DLGAP1: variants seen among roughly 807,000 people sequenced by gnomAD.
DLGAP1 encodes the protein disks large-associated protein 1.
A neutral mutation model predicts 90.8 loss-of-function variants in DLGAP1; 11 were observed. That is an observed-to-expected ratio of 0.12 (90% confidence interval 0.08 to 0.20). The LOEUF (loss-of-function observed/expected upper bound fraction) is 0.20. Among genes scored for constraint, DLGAP1 ranks in the 10% least tolerant of loss-of-function variants. DLGAP1 has a pLI of 1.00. For synonymous variants in DLGAP1, 558 were observed against 540.7 expected (o/e 1.03, Z -0.44); for missense variants, 1,050 against 1,333.8 (o/e 0.79, Z 3.31).
chr18:4,236,517 T>C (rs886658849), intron 1 of DLGAP1, among the ~76,000 whole-genome samples: 30 of 152,304 alleles, frequency 2.0e-4, no homozygotes, highest in African/African-American at 7.0e-4. Flanking sequence ...GCCACTGCCT[T>C]ATACTGAACC....
At chr18:3,567,425 G>A in intron 9 of DLGAP1, 65 bp downstream of exon 9, 4 of 1,361,394 alleles carry the variant, frequency 2.9e-6, no homozygotes, top group Non-Finnish European at 4.1e-6. Flanking sequence ...CTTATCACGG[G>A]GAAAAATGCT....
At chr18:3,553,238 T>C (rs944339038) in intron 9 of DLGAP1, among the ~76,000 whole-genome samples, 4 of 152,184 alleles carry the variant, frequency 2.6e-5, no homozygotes, top group Non-Finnish European at 5.9e-5. Context: ...AAAGAAAACT[T>C]TTTAAATAAT....
chr18:3,841,117 A>C (rs2068690186), intron 4 of DLGAP1, among the ~76,000 whole-genome samples: 1 of 152,192 alleles, frequency 6.6e-6, no homozygotes, highest in South Asian at 2.1e-4. Context: ...TACCAGTGGA[A>C]GCCCCCCTAA....
At chr18:3,848,916 C>T (rs2069178807) in intron 4 of DLGAP1, among the ~76,000 whole-genome samples, 2 of 152,172 alleles carry the variant, frequency 1.3e-5, no homozygotes, top group African/African-American at 4.8e-5. Context: ...TGCTCCTCCC[C>T]CCAACACTAG....
At chr18:3,516,381 T>C (rs1568112889) in intron 10 of DLGAP1, among the ~76,000 whole-genome samples, 1 of 152,182 alleles carries the variant, frequency 6.6e-6, no homozygotes, top group Non-Finnish European at 1.5e-5. Context: ...CAAGCATTTA[T>C]CCTTTGGATT....
At position 3,856,599 on chromosome 18, in the gene DLGAP1, T is replaced by C. The variant is rs185216581; in HGVS notation, c.957+22513A>G. On this transcript the variant is annotated intron_variant, in intron 4 of 12. Transcript: ENST00000315677. ...AATACAGGCCAGACGCGGTGGCTCA[T>C]GCCTGTAATCCCAGCACTTTGGGAG... Among the ~76,000 whole-genome samples, 364 of 152,216 alleles carry C rather than the reference T, an allele frequency of 2.4e-3. 4 individuals carry two copies. Among genetic ancestry groups the C allele is most frequent in the African/African-American group, 7.9e-3 (327 of 41,542 alleles).
chr18:3,769,072 A>C (rs559027743), intron 5 of DLGAP1, among the ~76,000 whole-genome samples: 3 of 152,290 alleles, frequency 2.0e-5, no homozygotes, highest in Admixed American at 6.5e-5. Context: ...ACCCAACAGT[A>C]AAAAACAAGC....
chr18:3,620,342 C>A (rs1197723884), intron 7 of DLGAP1, among the ~76,000 whole-genome samples: 3 of 151,806 alleles, frequency 2.0e-5, no homozygotes, highest in Admixed American at 1.3e-4. Context: ...TCTAGAAGCC[C>A]GAAAAGGACA....
At chr18:3,698,852 T>C (rs1379654364) in intron 7 of DLGAP1, among the ~76,000 whole-genome samples, 9 of 152,146 alleles carry the variant, frequency 5.9e-5, no homozygotes, top group Admixed American at 2.6e-4. Context: ...TTTCATTCTT[T>C]CTTCTCTAAT....
At chr18:3,962,338 T>C (rs564335465) in intron 3 of DLGAP1, 39 of 152,334 alleles carry the variant, frequency 2.6e-4, no homozygotes, top group African/African-American at 7.2e-4. Context: ...GTATTCATTT[T>C]CCCTGAGCAC....
chr18:4,110,409 C>G (rs2075952673), intron 2 of DLGAP1, among the ~76,000 whole-genome samples: 1 of 152,178 alleles, frequency 6.6e-6, no homozygotes, highest in Non-Finnish European at 1.5e-5. Context: ...ATATGGATTA[C>G]TCTTAAGCCA....
intron 2 of DLGAP1, among the ~76,000 whole-genome samples, chr18:4,142,837 G>A (rs1521423): frequency 1.3e-5 from 2 of 152,082 alleles, no homozygotes; most frequent in African/African-American, 4.8e-5. Flanking sequence ...GCCCAGCAAT[G>A]CTGTGAGGTG....
At chr18:3,638,836 T>A (rs1297825845) in intron 7 of DLGAP1, among the ~76,000 whole-genome samples, 1 of 152,202 alleles carries the variant, frequency 6.6e-6, no homozygotes, top group African/African-American at 2.4e-5. Flanking sequence ...AGAACAACCC[T>A]AAATGAGTCT....
chr18:3,567,135 T>C, intron 9 of DLGAP1, among the ~76,000 whole-genome samples: 1 of 152,126 alleles, frequency 6.6e-6, no homozygotes, highest in East Asian at 1.9e-4. Context: ...GTGTTGGGAA[T>C]AGAAATAGAA....
chr18:3,499,898 TAAAC>T lies in DLGAP1; in HGVS notation c.2725-508_2725-505del, dbSNP rs550151526. Among the ~76,000 whole-genome samples, 10 of 152,216 alleles carry T rather than the reference TAAAC, an allele frequency of 6.6e-5. No homozygotes were observed. In the South Asian group the frequency reaches 1.9e-3, roughly 28 times the overall value. ...CCGTCCCCTTCCCACCAAACCTAAA[TAAAC>T]AGAGGAGGAAGAAGAGATATCAGAT... On this transcript the variant is annotated intron_variant, in intron 12 of 12. Coordinates refer to ENST00000315677, the MANE Select transcript of DLGAP1 (RefSeq NM_004746.4). The surrounding 1 kb of genome is among the most constrained non-coding windows in gnomAD (Gnocchi z 6.4).
intron 2 of DLGAP1, among the ~76,000 whole-genome samples, chr18:4,052,510 T>TG (rs965115351): frequency 1.3e-5 from 2 of 152,084 alleles, no homozygotes; most frequent in African/African-American, 4.8e-5. Context: ...GGGCACAGCA[T>TG]GGGGGGCCCT....
chr18:3,716,647 C>T (rs1331489399), intron 7 of DLGAP1, among the ~76,000 whole-genome samples: 1 of 152,030 alleles, frequency 6.6e-6, no homozygotes, highest in Non-Finnish European at 1.5e-5. Context: ...CAAAGATAAT[C>T]ACTTTAACAT....
chr18:3,741,027 C>A (rs2062913816), intron 6 of DLGAP1, among the ~76,000 whole-genome samples: 2 of 125,834 alleles, frequency 1.6e-5, no homozygotes, highest in South Asian at 3.0e-4. Flanking sequence ...TCACCACCAC[C>A]ACCACCACCA....
chr18:4,026,445 A>T (rs1188106797), intron 2 of DLGAP1, among the ~76,000 whole-genome samples: 1 of 152,204 alleles, frequency 6.6e-6, no homozygotes, highest in East Asian at 1.9e-4. Flanking sequence ...AGGGTGGAAT[A>T]CTTAAAACTC....
Sources: allele counts gnomAD v4.1 joint callset (sites outside exome capture counted in the v4.1 genomes callset), GRCh38; gene constraint gnomAD v4.1.1; non-coding constraint Gnocchi (gnomAD v3.1); transcripts MANE v1.5; gene names NCBI Gene and HGNC (gene_info 2026-07-23, HGNC 2026-07-21).